Variants in PCDH15 observed in about 807,000 individuals in gnomAD.
The protein encoded by PCDH15 is protocadherin-15.
In PCDH15, 129 loss-of-function variants were observed where a neutral mutation model predicts 178.5. The ratio of observed to expected loss-of-function variants is 0.72; its 90% CI spans 0.63 to 0.84. The LOEUF (loss-of-function observed/expected upper bound fraction) is 0.84. PCDH15 is among the 40% of genes least tolerant of loss of function. PCDH15 has a pLI of 0.00. For synonymous variants in PCDH15, 800 were observed against 732.0 expected, an observed-to-expected ratio of 1.09 and a Z score of -1.50; for missense variants, 2,230 against 2,099.9, an observed-to-expected ratio of 1.06 and a Z score of -1.21.
intron 25 of PCDH15, among the ~76,000 whole-genome samples, chr10:53,934,516 T>A (rs1399454533): frequency 6.6e-6 from 1 of 151,108 alleles, no homozygotes; most frequent in Non-Finnish European, 1.5e-5. Context: ...GAGAATGGTG[T>A]GAACCCAGGA....
chr10:53,926,803 A>G (rs1296863432), intron 25 of PCDH15, among the ~76,000 whole-genome samples: 1 of 151,986 alleles, frequency 6.6e-6, no homozygotes, highest in Admixed American at 6.5e-5. Context: ...ATGCATGTCT[A>G]TGTCTCTTGT....
intron 1 of PCDH15, among the ~76,000 whole-genome samples, chr10:55,236,053 C>T (rs1841377464): frequency 6.6e-6 from 1 of 151,752 alleles, no homozygotes; most frequent in Admixed American, 6.6e-5. Context: ...GTCTGGATCA[C>T]CTTAGTCTAC....
intron 2 of PCDH15, among the ~76,000 whole-genome samples, chr10:54,558,309 T>G (rs1206145666): frequency 2.0e-5 from 3 of 152,146 alleles, no homozygotes; most frequent in African/African-American, 7.2e-5. Flanking sequence ...ATTTTATTAT[T>G]TTCTTCAGGA....
intron 31 of PCDH15, among the ~76,000 whole-genome samples, chr10:53,827,916 A>T (rs959979388): frequency 6.6e-6 from 1 of 152,158 alleles, no homozygotes; most frequent in Admixed American, 6.5e-5. Flanking sequence ...GATAAGATAG[A>T]TAATTTTTCT....
intron 1 of PCDH15, among the ~76,000 whole-genome samples, chr10:54,757,291 T>TGCCTTCTTTATGG (rs1311181195): frequency 1.6e-4 from 5 of 31,614 alleles, no homozygotes; most frequent in Non-Finnish European, 3.6e-4. Context: ...TTTTTTTTTT[T>TGCCTTCTTTATGG]TTTTTTTTTG....
intron 14 of PCDH15, among the ~76,000 whole-genome samples, chr10:54,146,939 A>ATATATATAGTGTATATATATATAATG (rs1564530515): frequency 4.2e-5 from 6 of 142,184 alleles, no homozygotes; most frequent in East Asian, 2.0e-4. Context: ...TATATAATGT[A>ATATATATAGTGTATATATATATAATG]TATATATAGT....
At chr10:54,942,171 T>A (rs1388170452) in intron 2 of PCDH15, among the ~76,000 whole-genome samples, 1 of 152,076 alleles carries the variant, frequency 6.6e-6, no homozygotes, top group Non-Finnish European at 1.5e-5. Flanking sequence ...CTAAATAAAT[T>A]CTGCTTCCTT....
chr10:55,515,956 C>G (rs1052266670), intron 2 of PCDH15, among the ~76,000 whole-genome samples: 1 of 152,120 alleles, frequency 6.6e-6, no homozygotes, highest in African/African-American at 2.4e-5. Flanking sequence ...ACTGAGAAAT[C>G]TTCTAATTTT....
intron 2 of PCDH15, among the ~76,000 whole-genome samples, chr10:55,488,852 T>C (rs1421692126): frequency 6.6e-6 from 1 of 151,458 alleles, no homozygotes; most frequent in Non-Finnish European, 1.5e-5. Context: ...AGTTTGTTTT[T>C]AAGCTAAAAT....
At chr10:54,249,574 A>G (rs992375420) in intron 8 of PCDH15, among the ~76,000 whole-genome samples, 2 of 152,172 alleles carry the variant, frequency 1.3e-5, no homozygotes, top group Non-Finnish European at 2.9e-5. Context: ...AGAAATCAAC[A>G]CTTTGTCACC....
chr10:54,908,177 G>T (rs1354309928), intron 2 of PCDH15, among the ~76,000 whole-genome samples: 1 of 152,178 alleles, frequency 6.6e-6, no homozygotes, highest in South Asian at 2.1e-4. Context: ...TACATGCTTG[G>T]ATCCCATGCC....
intron 2 of PCDH15, among the ~76,000 whole-genome samples, chr10:54,923,755 C>T (rs1424402402): frequency 7.2e-6 from 1 of 138,006 alleles, no homozygotes; most frequent in Non-Finnish European, 1.7e-5. Context: ...CATCTGAGGC[C>T]TCAGTCTGGA....
chr10:54,582,726 T>A (rs1340848096), intron 2 of PCDH15, among the ~76,000 whole-genome samples: 1 of 151,940 alleles, frequency 6.6e-6, no homozygotes, highest in African/African-American at 2.4e-5. Context: ...GCATGGGCAA[T>A]GTAGGGAGGC....
At chr10:54,447,347 G>A (rs796117374) in intron 3 of PCDH15, among the ~76,000 whole-genome samples, 3 of 151,590 alleles carry the variant, frequency 2.0e-5, no homozygotes, top group African/African-American at 7.2e-5. Flanking sequence ...ATTCCTCCTG[G>A]CTAACTGGAA....
At chr10:54,878,088 TC>T (rs1769912456) in intron 3 of PCDH15, among the ~76,000 whole-genome samples, 1 of 151,198 alleles carries the variant, frequency 6.6e-6, no homozygotes. Context: ...TCAGTCCCCC[TC>T]GTAGCTGGGA....
At chr10:54,069,403 C>A (rs544389904) in intron 17 of PCDH15, among the ~76,000 whole-genome samples, 2 of 152,116 alleles carry the variant, frequency 1.3e-5, no homozygotes, top group African/African-American at 4.8e-5. Context: ...ACTAAGAAGT[C>A]AAATAACAAT....
chr10:55,613,151 A>C (rs1843406280), intron 2 of PCDH15, among the ~76,000 whole-genome samples: 1 of 151,486 alleles, frequency 6.6e-6, no homozygotes, highest in Admixed American at 6.6e-5. Context: ...GTGTCCAGTC[A>C]GAAATCCATT....
intron 33 of PCDH15, among the ~76,000 whole-genome samples, chr10:53,818,704 TAATA>T (rs1009257561): frequency 6.6e-6 from 1 of 152,126 alleles, no homozygotes; most frequent in Non-Finnish European, 1.5e-5. Flanking sequence ...TGAATGTTAC[TAATA>T]AATAATGAAA....
chr10:54,239,065 T>C (rs2054947790), intron 8 of PCDH15, among the ~76,000 whole-genome samples: 2 of 152,280 alleles, frequency 1.3e-5, no homozygotes, highest in South Asian at 4.1e-4. Context: ...ATAAAATAAG[T>C]AATTTCTTAT....
Sources: allele counts gnomAD v4.1 joint callset (sites outside exome capture counted in the v4.1 genomes callset), GRCh38; gene constraint gnomAD v4.1.1; transcripts MANE v1.5; gene names NCBI Gene and HGNC (gene_info 2026-07-23, HGNC 2026-07-21).